RCL1: variants seen among roughly 807,000 people sequenced by gnomAD.
RCL1 encodes the protein RNA terminal phosphate cyclase like 1.
Under a neutral mutation model 42.4 loss-of-function variants are expected in RCL1, and 24 were observed. That is an observed-to-expected ratio of 0.57 (90% CI 0.41 to 0.80). RCL1 has a LOEUF of 0.80. Among genes scored for constraint, RCL1 ranks in the 30% least tolerant of loss-of-function variants. The probability of loss-of-function intolerance (pLI) is 0.00; values close to 1 mark genes in which losing one functional copy is unlikely to be tolerated. For missense variants in RCL1, 578 were observed against 467.9 expected (o/e 1.24, Z -2.17); for synonymous variants, 228 against 177.3 (o/e 1.29, Z -2.27).
At position 4,823,281 on chromosome 9, in the gene RCL1, ATTTT is replaced by A. The variant is rs3038449; in HGVS notation, c.137-248_137-245del. 2.6e-3 allele frequency among the ~76,000 whole-genome samples: 351 copies of A among 134,768 alleles called. 1 individual carries two copies. The highest frequency in any genetic ancestry group is 4.9e-3 in the African/African-American group (178 of 36,098). 88.4% of individuals were successfully genotyped at this position (134,768 alleles called of 152,430 possible). On this transcript the variant is annotated intron_variant, in intron 1 of 8. Coordinates refer to ENST00000381750, the MANE Select transcript of RCL1 (RefSeq NM_005772.5). ...ATCCCATTAGATTGCTGGTGGAGCT[ATTTT>A]TTTTTTTTTTTTTTTTTTACAATGT...
intron 8 of RCL1, among the ~76,000 whole-genome samples, chr9:4,859,112 G>A (rs140842433): frequency 4.6e-4 from 70 of 152,290 alleles, no homozygotes; most frequent in Middle Eastern, 6.8e-3. Context: ...AGGCTAGCTG[G>A]GGTGACGCTA....
At chr9:4,832,646 A>AG (rs1816978085) in intron 3 of RCL1, among the ~76,000 whole-genome samples, 1 of 151,764 alleles carries the variant, frequency 6.6e-6, no homozygotes, top group South Asian at 2.1e-4. Flanking sequence ...CGTCTCTACT[A>AG]AAAATACAAA....
At chr9:4,836,043 C>T (rs1032925523) in intron 5 of RCL1, among the ~76,000 whole-genome samples, 9 of 151,778 alleles carry the variant, frequency 5.9e-5, no homozygotes, top group South Asian at 2.1e-4. Context: ...AGGGGATGGG[C>T]GGGGTAGGAT....
intron 1 of RCL1, among the ~76,000 whole-genome samples, chr9:4,803,111 C>T (rs765255481): frequency 5.3e-5 from 8 of 151,778 alleles, no homozygotes; most frequent in African/African-American, 1.9e-4. Context: ...CCTCCCAAAG[C>T]GTCAGAATTA....
At chr9:4,815,611 G>A (rs1452634682) in intron 1 of RCL1, among the ~76,000 whole-genome samples, 1 of 152,182 alleles carries the variant, frequency 6.6e-6, no homozygotes, top group Admixed American at 6.5e-5. Context: ...AGGATGTTGG[G>A]CCACTGGTCT....
intron 8 of RCL1, among the ~76,000 whole-genome samples, chr9:4,853,066 G>A (rs1163432737): frequency 3.9e-5 from 6 of 152,092 alleles, no homozygotes. Context: ...AATTCTGTAA[G>A]GTAGATGTTT....
intron 4 of RCL1, among the ~76,000 whole-genome samples, 171 bp downstream of exon 4, chr9:4,833,399 C>T (rs895288684): frequency 6.6e-6 from 1 of 152,142 alleles, no homozygotes; most frequent in African/African-American, 2.4e-5. Flanking sequence ...CTGAAAGGGA[C>T]CCTTTAGTAA....
chr9:4,806,458 T>C lies in RCL1; in HGVS notation c.136+13231T>C, dbSNP rs1015376095. On this transcript the variant is annotated intron_variant, in intron 1 of 8. Transcript: ENST00000381750. ...TGAATGAGTGTTGTATTTTGTCCAA[T>C]GCTTTTTCTGCACCAGTTGATGTGA... Among the ~76,000 whole-genome samples, 6 of 152,274 alleles carry C rather than the reference T, an allele frequency of 3.9e-5. No individual in the cohort carries two copies. The Middle Eastern group carries it at 0.01, about 259-fold the overall frequency.
At chr9:4,821,259 A>G (rs1186151093) in intron 1 of RCL1, among the ~76,000 whole-genome samples, 2 of 152,228 alleles carry the variant, frequency 1.3e-5, no homozygotes, top group East Asian at 3.9e-4. Flanking sequence ...CCTATTTCTT[A>G]AAAGAGAGAG....
At chr9:4,827,761 C>T (rs3038444) in intron 3 of RCL1, among the ~76,000 whole-genome samples, 170 of 147,668 alleles carry the variant, frequency 1.2e-3, no homozygotes, top group Middle Eastern at 7.1e-3. Flanking sequence ...TGTGTGCACG[C>T]GTGTGTGTGT....
chr9:4,855,594 G>A (rs1039640355), intron 8 of RCL1, among the ~76,000 whole-genome samples: 4 of 152,054 alleles, frequency 2.6e-5, no homozygotes, highest in African/African-American at 7.2e-5. Flanking sequence ...TTTGCTTTTC[G>A]TTTTCTTAAG....
At chr9:4,853,686 C>T (rs148877982) in intron 8 of RCL1, among the ~76,000 whole-genome samples, 76 of 152,204 alleles carry the variant, frequency 5.0e-4, no homozygotes, top group Non-Finnish European at 5.9e-4. Context: ...AGCACCTTGC[C>T]TGAGGCAGGA....
intron 6 of RCL1, among the ~76,000 whole-genome samples, chr9:4,843,033 G>A (rs1817388534): frequency 6.6e-6 from 1 of 152,164 alleles, no homozygotes; most frequent in South Asian, 2.1e-4. Context: ...TAAAGACATG[G>A]ACATGATGTA....
Position 4,847,385 on chromosome 9 carries a change from TCCCTTTTGAAGGTG to T in RCL1, c.868-2060_868-2047del, listed in dbSNP as rs890447971. Among the ~76,000 whole-genome samples, 31 of 152,222 alleles carry T rather than the reference TCCCTTTTGAAGGTG, an allele frequency of 2.0e-4. 1 individual carries two copies. The highest frequency in any genetic ancestry group is 6.8e-4 in the African/African-American group (28 of 41,456). On this transcript the variant is annotated intron_variant, in intron 7 of 8. Transcript: ENST00000381750. ...GATTGAATGAGTGGTAAAAAATCCA[TCCCTTTTGAAGGTG>T]CTATTTATCAAGTTTTAAGCCTCTG...
At chr9:4,823,425 G>T (rs16922127) in intron 1 of RCL1, 123 bp from the exon 2 acceptor site, 37,630 of 666,018 alleles carry the variant, frequency 0.057, 1,371 homozygotes, top group Admixed American at 0.088. Flanking sequence ...AAGCCCAGGT[G>T]TGATGCAGGA....
chr9:4,815,643 A>AG (rs1816346614), intron 1 of RCL1, among the ~76,000 whole-genome samples: 1 of 151,830 alleles, frequency 6.6e-6, no homozygotes, highest in South Asian at 2.1e-4. Flanking sequence ...TCACGGGAAA[A>AG]GGGGAGTTTT....
intron 8 of RCL1, among the ~76,000 whole-genome samples, chr9:4,855,072 A>C (rs465300): frequency 0.6 from 84,586 of 140,642 alleles, 25,492 homozygotes; most frequent in East Asian, 0.76. Context: ...AAAAAAAAAA[A>C]ATAGGAAAAG....
intron 2 of RCL1, among the ~76,000 whole-genome samples, chr9:4,824,231 A>G (rs761149929): frequency 6.6e-6 from 1 of 152,204 alleles, no homozygotes; most frequent in Non-Finnish European, 1.5e-5. Flanking sequence ...AGTATATGCA[A>G]AAGATGTGAA....
At chr9:4,798,492 T>A (rs1350875498) in intron 1 of RCL1, among the ~76,000 whole-genome samples, 1 of 152,232 alleles carries the variant, frequency 6.6e-6, no homozygotes, top group Non-Finnish European at 1.5e-5. Context: ...GTGCTCCATA[T>A]GGCTTAAGCA....
Sources: gnomAD v4.1 joint callset for allele counts (sites outside exome capture counted in the v4.1 genomes callset) on GRCh38, gnomAD v4.1.1 for gene constraint, MANE v1.5 for transcripts, NCBI Gene and HGNC (gene_info 2026-07-23, HGNC 2026-07-21) for gene names.